Variants in RXRG observed in about 807,000 individuals in gnomAD.
The protein encoded by RXRG is retinoid X receptor gamma, also known as retinoic acid receptor RXR-gamma.
RXRG carries 19 observed loss-of-function variants against 49.2 expected under a neutral mutation model. That is an observed-to-expected ratio of 0.39 (90% CI 0.27 to 0.57). The LOEUF (loss-of-function observed/expected upper bound fraction) is 0.57, where lower values mean the gene tolerates loss of function less well. RXRG is among the 20% of genes least tolerant of loss of function. RXRG has a pLI of 0.64. For missense variants in RXRG, 452 were observed against 592.5 expected (o/e 0.76, Z 2.46); for synonymous variants, 224 against 216.6 (o/e 1.03, Z -0.30).
At position 165,410,969 on chromosome 1, in the gene RXRG, C is replaced by G. The variant is rs1314651278; in HGVS notation, c.763G>C (p.Asp255His). The G allele has an allele frequency of 1.5e-5, 25 of 1,614,014 alleles. No homozygotes were observed. Among genetic ancestry groups the G allele is most frequent in the Non-Finnish European group, 1.8e-5 (21 of 1,180,012 alleles). ...CATACCGAGTTCTCCATATTCATGT[C>G]ACCATAGGATTCTGTCTTTGGTTCA... ...AVEPKTESYGDMNMENSTNDP... is the reference protein window; with the variant it reads ...AVEPKTESYGHMNMENSTNDP... Residue 255 changes from aspartate to histidine, a missense_variant, in exon 5 of 10, where the codon GAC becomes CAC. Physicochemically the swap from Asp to His is moderately conservative, Grantham distance 81. This residue lies in a region of RXRG where 286 missense variants were observed against 440.9 expected (regional missense o/e 0.65). Coordinates refer to ENST00000359842, the MANE Select transcript of RXRG (RefSeq NM_006917.5).
intron 2 of RXRG, among the ~76,000 whole-genome samples, chr1:165,427,856 T>C (rs1658541807): frequency 6.6e-6 from 1 of 152,110 alleles, no homozygotes; most frequent in Non-Finnish European, 1.5e-5. Flanking sequence ...TGATACACCA[T>C]GAGAAAAGCA....
Position 165,437,238 on chromosome 1 carries a change from G to C in RXRG, c.49+7607C>G, listed in dbSNP as rs765024111. The C allele has an allele frequency of 1.5e-5, 21 of 1,365,700 alleles. No homozygotes were observed. The Admixed American group carries it at 3.8e-4, about 25-fold the overall frequency. 84.6% of individuals were successfully genotyped at this position (1,365,700 alleles called of 1,614,324 possible). A position where few individuals can be genotyped will look rare whatever the true frequency, so the allele number is the denominator to read the frequency against. ...AGAATGCCAGTCAGTCAGTCAGCCA[G>C]CACGCCTGGCTAAGCATCTGCTTGT... On this transcript the variant is annotated intron_variant, in intron 1 of 9. Transcript: ENST00000359842.
At chr1:165,442,905 C>T (rs1364236694) in intron 1 of RXRG, among the ~76,000 whole-genome samples, 1 of 152,202 alleles carries the variant, frequency 6.6e-6, no homozygotes, top group Non-Finnish European at 1.5e-5. Flanking sequence ...CAGCACACTA[C>T]CTCTTCCTGC....
Position 165,409,583 on chromosome 1 carries a change from C to A in RXRG, c.1021G>T (p.Ala341Ser). Residue 341 changes from alanine to serine, a missense_variant, in exon 7 of 10, where the codon GCT becomes TCT. By Grantham distance (99) the Ala-to-Ser change is moderately conservative. Around this residue, in one of 2 missense-constraint regions of RXRG, gnomAD observed 286 missense variants for 440.9 expected, o/e 0.65. Coordinates refer to ENST00000359842, the MANE Select transcript of RXRG (RefSeq NM_006917.5). ...LHVHRSSAHS[A>S]GVGSIFDRVL... Reference sequence around the variant, plus strand: ...CTGTCAAAGATGGAGCCGACCCCAGCACTGTGGGCACTGCTCCGGTGGACA... The same window carrying A: ...CTGTCAAAGATGGAGCCGACCCCAGAACTGTGGGCACTGCTCCGGTGGACA... The A allele has an allele frequency of 1.3e-6, 2 of 1,544,452 alleles. No individual in the cohort carries two copies. The highest frequency in any genetic ancestry group is 1.7e-6 in the Non-Finnish European group (2 of 1,147,566).
At chr1:165,442,239 C>T (rs867405039) in intron 1 of RXRG, among the ~76,000 whole-genome samples, 2 of 152,222 alleles carry the variant, frequency 1.3e-5, no homozygotes, top group Admixed American at 6.5e-5. Flanking sequence ...TCCTCTGTCC[C>T]TCTCCCTCAT....
chr1:165,416,935 A>C, intron 4 of RXRG, 106 bp downstream of exon 4: 1 of 1,064,988 alleles, frequency 9.4e-7, no homozygotes, highest in Admixed American at 2.4e-5. Context: ...AGTGGAGATT[A>C]GGATGACTTT....
intron 4 of RXRG, among the ~76,000 whole-genome samples, chr1:165,413,017 A>G (rs557508139): frequency 1.3e-5 from 2 of 152,296 alleles, no homozygotes; most frequent in South Asian, 2.1e-4. Context: ...GAGATTTGTA[A>G]CACTCAAGGA....
intron 1 of RXRG, among the ~76,000 whole-genome samples, chr1:165,442,915 C>T (rs1659050633): frequency 6.6e-6 from 1 of 152,232 alleles, no homozygotes; most frequent in Non-Finnish European, 1.5e-5. Context: ...CCTCTTCCTG[C>T]CTCCTCTTCC....
At chr1:165,429,052 T>C in intron 1 of RXRG, 86 bp from the exon 2 acceptor site, 1 of 1,427,474 alleles carries the variant, frequency 7.0e-7, no homozygotes, top group South Asian at 1.3e-5. Flanking sequence ...CACCTTTCTT[T>C]CCTGTATCCT....
chr1:165,442,292 A>T (rs906914145), intron 1 of RXRG, among the ~76,000 whole-genome samples: 9 of 152,240 alleles, frequency 5.9e-5, no homozygotes, highest in African/African-American at 2.2e-4. Context: ...ACGGGGGCAG[A>T]GTCCTTTGGC....
intron 8 of RXRG, 103 bp downstream of exon 8, chr1:165,408,124 C>G (rs964698046): frequency 3.4e-6 from 3 of 875,458 alleles, no homozygotes; most frequent in Non-Finnish European, 5.8e-6. Context: ...GCTCTGCCAT[C>G]TGTGTCTCAG....
At chr1:165,406,788 A>T in intron 9 of RXRG, 24 bp downstream of exon 9, 1 of 1,554,186 alleles carries the variant, frequency 6.4e-7, no homozygotes, top group Non-Finnish European at 8.9e-7. Flanking sequence ...TGCTGTTACT[A>T]CGATTCTGCC....
rs371465025 is a variant in RXRG at position 165,409,617 on chromosome 1, C to T, written c.987G>A (p.Thr329=). 10 of 1,580,718 alleles carry T rather than the reference C, an allele frequency of 6.3e-6. No homozygotes were observed. Among genetic ancestry groups the T allele is most frequent in the African/African-American group, 1.4e-5 (1 of 72,990 alleles). ...CACTGCTCCGGTGGACATGTAAACC[C>T]GTGGCCAGAAGGATGCCATCCTGCA... ...VSVQDGILLA[T]GLHVHRSSAH... is the part of the protein sequence containing the mutation. Residue 329 remains threonine (T), a synonymous_variant, in exon 7 of 10, where the codon ACG becomes ACA. Coordinates refer to ENST00000359842, the MANE Select transcript of RXRG (RefSeq NM_006917.5).
At chr1:165,405,568 C>G (rs1009122087) in intron 9 of RXRG, among the ~76,000 whole-genome samples, 16 of 152,238 alleles carry the variant, frequency 1.1e-4, no homozygotes, top group Non-Finnish European at 1.8e-4. Flanking sequence ...CTCTGCCCCT[C>G]CACCTCTTCC....
rs533170734 is a variant in RXRG, at chr1:165,401,401, C to T, written c.1254G>A (p.Lys418=). 62 of 1,613,926 alleles carry T rather than the reference C, an allele frequency of 3.8e-5. 1 individual carries two copies. The South Asian group carries it at 6.6e-4, about 17-fold the overall frequency. ...GCAGAGCTGGGAGGCGCAGCAGCAG[C>T]TTGGCAAACCTGCAGGGAAGCCAAG... ...KYPEQPGRFA[K]LLLRLPALRS... Residue 418 remains lysine (K), a synonymous_variant, in exon 10 of 10, where the codon AAG becomes AAA. Transcript: ENST00000359842.
At chr1:165,438,906 T>G (rs1389521837) in intron 1 of RXRG, among the ~76,000 whole-genome samples, 1 of 152,190 alleles carries the variant, frequency 6.6e-6, no homozygotes, top group African/African-American at 2.4e-5. Flanking sequence ...GTTAAGCCTA[T>G]TTAAGATACA....
chr1:165,403,759 T>G (rs548245113), intron 9 of RXRG, among the ~76,000 whole-genome samples: 74 of 152,148 alleles, frequency 4.9e-4, no homozygotes, highest in Non-Finnish European at 7.1e-4. Context: ...CTTTAAAAAA[T>G]TTTTTTAACT....
chr1:165,444,134 C>T (rs1249382973), intron 1 of RXRG, among the ~76,000 whole-genome samples: 1 of 152,124 alleles, frequency 6.6e-6, no homozygotes. Flanking sequence ...GGCACGGTGA[C>T]TTGAATCTTC....
chr1:165,407,853 T>TAA (rs35445056), intron 8 of RXRG, among the ~76,000 whole-genome samples: 1 of 147,636 alleles, frequency 6.8e-6, no homozygotes, highest in Non-Finnish European at 1.5e-5. Flanking sequence ...AAACAAAACT[T>TAA]AAAAAAAAAA....
Sources: gnomAD v4.1 joint callset for allele counts (sites outside exome capture counted in the v4.1 genomes callset) on GRCh38, gnomAD v4.1.1 for gene constraint, gnomAD v4.1.1 regional missense constraint, MANE v1.5 for transcripts, NCBI Gene and HGNC (gene_info 2026-07-23, HGNC 2026-07-21) for gene names.